The following POLR1C variants were observed in gnomAD, a reference collection of about 807,000 sequenced individuals.
POLR1C encodes DNA-directed RNA polymerases I and III subunit RPAC1.
Under a neutral mutation model 38.3 loss-of-function variants are expected in POLR1C, and 42 were observed. The ratio of observed to expected loss-of-function variants is 1.10; its 90% CI spans 0.86 to 1.42. POLR1C has a LOEUF of 1.42. Among genes scored for constraint, POLR1C ranks in the 40% most tolerant of loss-of-function variants. The pLI, the probability that POLR1C is intolerant of heterozygous loss-of-function variation, is 0.00. For missense variants in POLR1C, 507 were observed against 450.5 expected, an observed-to-expected ratio of 1.13 and a Z score of -1.14; for synonymous variants, 163 against 163.9, an observed-to-expected ratio of 0.99 and a Z score of 0.04.
downstream of POLR1C, chr6:43,522,541 G>A: frequency 3.8e-6 from 1 of 263,408 alleles, no homozygotes; most frequent in South Asian, 3.2e-5. Context: ...AAACACTCTT[G>A]AGATCGCCTT....
intron 9 of POLR1C, among the ~76,000 whole-genome samples, chr6:43,542,096 T>C (rs1794725882): frequency 6.6e-6 from 1 of 152,202 alleles, no homozygotes; most frequent in African/African-American, 2.4e-5. Flanking sequence ...TTTAGAAATC[T>C]AGTGTGTATT....
chr6:43,562,335 C>T (rs1343216061), exon 11 of POLR1C: 1 of 1,607,388 alleles, frequency 6.2e-7, no homozygotes, highest in South Asian at 1.1e-5. Context: ...CAAACCTCCT[C>T]CATCAGCAGT....
intron 9 of POLR1C, among the ~76,000 whole-genome samples, chr6:43,543,239 G>A (rs1319394111): frequency 1.3e-5 from 2 of 152,094 alleles, no homozygotes; most frequent in Non-Finnish European, 2.9e-5. Context: ...GATCTCTTGA[G>A]CCCATGAGTT....
Position 43,517,103 on chromosome 6 carries a change from A to T in POLR1C, c.-7A>T. On this transcript the variant is annotated 5_prime_UTR_variant, in exon 1 of 9. Transcript: ENST00000642195. Reference sequence around the variant, plus strand: ...ATAGAACCTCTAGTCTCGTGGAGAGATTGAAGATGGCGGCTTCTCAGGCGG... The same window carrying T: ...ATAGAACCTCTAGTCTCGTGGAGAGTTTGAAGATGGCGGCTTCTCAGGCGG... 1.9e-6 allele frequency: 3 copies of T among 1,614,038 alleles called. No individual in the cohort carries two copies. The highest frequency in any genetic ancestry group is 2.5e-6 in the Non-Finnish European group (3 of 1,179,946).
intron 2 of POLR1C, among the ~76,000 whole-genome samples, chr6:43,517,733 C>T (rs1435025436): frequency 1.3e-5 from 2 of 151,722 alleles, no homozygotes; most frequent in Non-Finnish European, 2.9e-5. Flanking sequence ...CTCAATTGAG[C>T]CTTGAATGGT....
At chr6:43,557,306 G>T (rs1414841967) in intron 10 of POLR1C, among the ~76,000 whole-genome samples, 1 of 150,518 alleles carries the variant, frequency 6.6e-6, no homozygotes, top group Non-Finnish European at 1.5e-5. Context: ...CGTGTGTGTA[G>T]TCCCAGCTAT....
intron 9 of POLR1C, among the ~76,000 whole-genome samples, chr6:43,535,832 G>C (rs754716877): frequency 9.9e-5 from 12 of 120,816 alleles, no homozygotes; most frequent in African/African-American, 1.8e-4. Flanking sequence ...AAAAAAAAAA[G>C]TCATTCTAGG....
intron 8 of POLR1C, chr6:43,527,656 G>T (rs750701482): frequency 1.9e-6 from 3 of 1,613,794 alleles, no homozygotes; most frequent in Admixed American, 3.3e-5. Context: ...TGACTTCTCG[G>T]GTTAACATCC....
rs536913508 is a variant in POLR1C, at chr6:43,546,448, A to G, written c.*5-4520A>G. On this transcript the variant is annotated intron_variant, in intron 9 of 10. Transcript: ENST00000607635. ...AAACTGAGACACCCTCTAGAAAGAA[A>G]TAAGACTTAAATCAATCCCTCATTA... 6.6e-5 allele frequency: 62 copies of G among 946,368 alleles called. No individual in the cohort carries two copies. In the South Asian group the frequency reaches 1.6e-3, roughly 25 times the overall value. The allele number at this position is 946,368 out of a possible 1,614,324, so 58.6% of individuals were successfully genotyped here. A position where few individuals can be genotyped will look rare whatever the true frequency, so the allele number is the denominator to read the frequency against.
At chr6:43,519,060 A>G (rs549712632) in intron 2 of POLR1C, 6 of 487,660 alleles carry the variant, frequency 1.2e-5, no homozygotes, top group Admixed American at 6.5e-5. Context: ...ACTAAGCACT[A>G]TGGTAGTTTC....
rs994826443 is a variant in POLR1C, at chr6:43,520,166, A to G, written c.483A>G (p.Glu161=). 3.7e-6 allele frequency: 6 copies of G among 1,614,080 alleles called. No homozygotes were observed. In the African/African-American group the frequency reaches 5.3e-5, roughly 14 times the overall value. Residue 161 remains glutamate, a synonymous_variant, in exon 5 of 9, where the codon GAA becomes GAG. Coordinates refer to ENST00000642195, the MANE Select transcript of POLR1C (RefSeq NM_203290.4). ...CTAAAGATTCCTCTGACCCCAACGA[A>G]CTGTACGTGAACCACAAAGGTGAGT... is the stretch of plus-strand genomic sequence containing the variant. ...HAAKDSSDPN[E]LYVNHKVYTR...
chr6:43,518,387 G>T (rs80339878), intron 2 of POLR1C, among the ~76,000 whole-genome samples: 8,276 of 152,234 alleles, frequency 0.054, 324 homozygotes, highest in African/African-American at 0.11. Context: ...ATGCATTGTG[G>T]TATCATTTAC....
chr6:43,535,816 A>AT (rs1289633100), intron 9 of POLR1C, among the ~76,000 whole-genome samples: 7 of 141,288 alleles, frequency 5.0e-5, no homozygotes, highest in African/African-American at 1.9e-4. Context: ...TCCATCTCAA[A>AT]AAAAAAAAAA....
At chr6:43,547,786 A>G in intron 9 of POLR1C, 1 of 1,297,618 alleles carries the variant, frequency 7.7e-7, no homozygotes, top group East Asian at 2.3e-5. Context: ...TTAACAGGCT[A>G]TCATTATTTG....
At chr6:43,551,489 G>A in intron 10 of POLR1C, 6 of 1,602,938 alleles carry the variant, frequency 3.7e-6, no homozygotes, top group Non-Finnish European at 5.1e-6. Context: ...GACAATGGCT[G>A]CCTCCACTTA....
Position 43,521,431 on chromosome 6 carries a change from A to G in POLR1C, c.*131A>G, listed in dbSNP as rs1252343617. On this transcript the variant is annotated 3_prime_UTR_variant, in exon 9 of 9. Transcript: ENST00000642195. ...GGACAATTCCAGCTTTAATCAATAC[A>G]TTTTGTTAAATGTGCCATAAAATGA... The G allele has an allele frequency of 4.5e-6, 7 of 1,553,272 alleles. No homozygotes were observed. Among genetic ancestry groups the G allele is most frequent in the Non-Finnish European group, 6.1e-6 (7 of 1,151,448 alleles).
At chr6:43,539,141 C>A in intron 9 of POLR1C, 4 of 1,158,844 alleles carry the variant, frequency 3.5e-6, no homozygotes, top group Non-Finnish European at 5.0e-6. Context: ...CACAGAGCCA[C>A]GGCGGCCTGT....
rs944745259 is a variant in POLR1C, at chr6:43,520,547, G to A, written c.656-78G>A. The stretch of plus-strand genomic sequence containing the variant: ...AGAAAGCCAAGAGGGTTGTGCTTTT[G>A]CTGTTAGTAGCTTAGGAGGAGTATT... On this transcript the variant is annotated intron_variant, in intron 6 of 8. Transcript: ENST00000642195. The A allele has an allele frequency of 3.7e-6, 6 of 1,602,116 alleles. No individual in the cohort carries two copies. In the South Asian group the frequency reaches 6.6e-5, roughly 18 times the overall value.
At chr6:43,548,557 C>G in intron 9 of POLR1C, 2 of 1,151,626 alleles carry the variant, frequency 1.7e-6, no homozygotes, top group Non-Finnish European at 2.3e-6. Flanking sequence ...CCAAAGCAGT[C>G]CCAGGAAAGT....
Sources: gnomAD v4.1 joint callset for allele counts (sites outside exome capture counted in the v4.1 genomes callset) on GRCh38, gnomAD v4.1.1 for gene constraint, MANE v1.5 for transcripts, NCBI Gene and HGNC (gene_info 2026-07-23, HGNC 2026-07-21) for gene names.